OTOGL: variants seen among roughly 807,000 people sequenced by gnomAD.
The protein encoded by OTOGL is otogelin like.
Under a neutral mutation model 318.5 loss-of-function variants are expected in OTOGL, and 285 were observed. The observed-to-expected ratio is 0.89, with a 90% CI of 0.81 to 0.99. OTOGL has a LOEUF of 0.99. Ranked by LOEUF, OTOGL falls within the 50% of genes least tolerant of loss-of-function variation. OTOGL has a pLI of 0.00. For synonymous variants in OTOGL, 987 were observed against 936.5 expected (o/e 1.05, Z -0.99); for missense variants, 2,899 against 2,845.6 (o/e 1.02, Z -0.43).
At chr12:80,242,039 C>A (rs1044668482) in intron 11 of OTOGL, among the ~76,000 whole-genome samples, 5 of 152,126 alleles carry the variant, frequency 3.3e-5, no homozygotes, top group African/African-American at 9.7e-5. Context: ...TACATGGCCA[C>A]ACCTAGGTGC....
At chr12:80,158,345 A>G (rs937942536) in intron 1 of OTOGL, among the ~76,000 whole-genome samples, 1 of 152,110 alleles carries the variant, frequency 6.6e-6, no homozygotes, top group African/African-American at 2.4e-5. Context: ...ATGTTATGTC[A>G]TAAATGAAAT....
chr12:80,114,029 C>T (rs186162447), intron 1 of OTOGL, among the ~76,000 whole-genome samples: 204 of 152,126 alleles, frequency 1.3e-3, no homozygotes, highest in African/African-American at 4.7e-3. Flanking sequence ...GATGGGTCTC[C>T]TGAATACAGC....
In OTOGL at chr12:80,210,830, A is replaced by G. The variant is rs762611150; in HGVS notation, c.80-17A>G. Reference sequence around the variant, plus strand: ...TTGGATAATTTTTTTTCATTCTTATATATTTGTCTCTGGCAGAATATATTT... The same window carrying G: ...TTGGATAATTTTTTTTCATTCTTATGTATTTGTCTCTGGCAGAATATATTT... On this transcript the variant is annotated splice_polypyrimidine_tract_variant and intron_variant, in intron 2 of 58. Transcript: ENST00000547103. The G allele has an allele frequency of 9.1e-6, 13 of 1,430,910 alleles. No individual in the cohort carries two copies. Among genetic ancestry groups the G allele is most frequent in the South Asian group, 2.7e-5 (2 of 72,902 alleles). 88.6% of individuals were successfully genotyped at this position (1,430,910 alleles called of 1,614,324 possible).
At chr12:80,317,779 C>G (rs1465416884) in intron 32 of OTOGL, among the ~76,000 whole-genome samples, 6 of 152,210 alleles carry the variant, frequency 3.9e-5, no homozygotes, top group Admixed American at 6.5e-5. Context: ...TGGAGAAACA[C>G]TGCATTTGTA....
At chr12:80,334,690 G>A (rs368032950) in intron 38 of OTOGL, among the ~76,000 whole-genome samples, 27 of 152,248 alleles carry the variant, frequency 1.8e-4, no homozygotes, top group African/African-American at 6.3e-4. Context: ...GGAATGTGGA[G>A]TAATAAGCTA....
At chr12:80,255,340 TAGAA>T (rs774555195) in intron 16 of OTOGL, among the ~76,000 whole-genome samples, 155 bp downstream of exon 16, 1 of 152,128 alleles carries the variant, frequency 6.6e-6, no homozygotes, top group Non-Finnish European at 1.5e-5. Flanking sequence ...TTCTACATAT[TAGAA>T]AGAAGTGTTG....
In OTOGL at chr12:80,360,530, GGAGTGC is replaced by G. The variant is rs552911057; in HGVS notation, c.6267+1631_6267+1636del. On this transcript the variant is annotated intron_variant, in intron 52 of 58. Coordinates refer to ENST00000547103, the MANE Select transcript of OTOGL (RefSeq NM_001378609.3). ...TCTTGTCTTGCTCTGTCACCAGGCTGGAGTGCAGTGGTGTGATCTCTGCTCACCGCA... is the reference window on the plus strand; with the variant it reads ...TCTTGTCTTGCTCTGTCACCAGGCTGAGTGGTGTGATCTCTGCTCACCGCA... Among the ~76,000 whole-genome samples, 37 of 150,430 alleles carry G rather than the reference GGAGTGC, an allele frequency of 2.5e-4. No homozygotes were observed. In the South Asian group the frequency reaches 7.4e-3, roughly 30 times the overall value.
chr12:80,314,316 G>T lies in OTOGL; in HGVS notation c.3619G>T (p.Glu1207Ter). Residue 1207 changes from glutamate to a stop codon, truncating the protein, a stop_gained, in exon 32 of 59, where the codon GAA (glutamate) becomes TAA (stop). Coordinates refer to ENST00000547103, the MANE Select transcript of OTOGL (RefSeq NM_001378609.3). LOFTEE classifies it high-confidence loss of function. Reference sequence around the variant, plus strand: ...TTTTTTTCTTTTAGCACTTGATTGTGAATACTACAATGAAGGTATGTGACA... The same window carrying T: ...TTTTTTTCTTTTAGCACTTGATTGTTAATACTACAATGAAGGTATGTGACA... ...RSSTVCSLDC[E>*]YYNEGLGEGP... 1.9e-6 allele frequency: 2 copies of T among 1,049,674 alleles called. No individual in the cohort carries two copies. Among genetic ancestry groups the T allele is most frequent in the East Asian group, 3.2e-5 (1 of 31,458 alleles). 65.0% of individuals were successfully genotyped at this position (1,049,674 alleles called of 1,614,324 possible).
At chr12:80,176,963 G>A (rs948453335) in intron 1 of OTOGL, among the ~76,000 whole-genome samples, 4 of 151,924 alleles carry the variant, frequency 2.6e-5, no homozygotes, top group Admixed American at 6.6e-5. Context: ...ATGATGTTAA[G>A]CATCTGTTCA....
chr12:80,137,446 A>G (rs1443551851), intron 1 of OTOGL, among the ~76,000 whole-genome samples: 1 of 152,164 alleles, frequency 6.6e-6, no homozygotes, highest in Non-Finnish European at 1.5e-5. Flanking sequence ...GAACTTGCTG[A>G]GAAATGGAAT....
rs1255638977 is a variant in OTOGL, at chr12:80,108,928, ATGTGTGTG to A, written c.-20+9325_-20+9332del. Among the ~76,000 whole-genome samples the A allele has an allele frequency of 6.2e-3, 545 of 88,160 alleles. 8 individuals carry two copies. The highest frequency in any genetic ancestry group is 0.023 in the African/African-American group (468 of 19,940). The allele number at this position is 88,160 out of a possible 152,430, so 57.8% of individuals were successfully genotyped here. A position where few individuals can be genotyped will look rare whatever the true frequency, so the allele number is the denominator to read the frequency against. Reference sequence around the variant, plus strand: ...TGTGTATATATATGTGTATATATATATGTGTGTGTATATATATATATATATACACACAC... The same window carrying A: ...TGTGTATATATATGTGTATATATATATATATATATATATATATACACACAC... On this transcript the variant is annotated intron_variant, in intron 1 of 58. Transcript: ENST00000547103.
chr12:80,344,983 ATATTATATATTATATTTTATATAT>A (rs1313898445), intron 44 of OTOGL, among the ~76,000 whole-genome samples: 3 of 143,248 alleles, frequency 2.1e-5, no homozygotes, highest in Admixed American at 1.5e-4. Context: ...CATTGGCTAT[ATATTATATATTATATTTTATATAT>A]TATTATATAT....
chr12:80,115,451 CTCCTCTT>C (rs887416729), intron 1 of OTOGL, among the ~76,000 whole-genome samples: 2 of 152,108 alleles, frequency 1.3e-5, no homozygotes, highest in Non-Finnish European at 2.9e-5. Flanking sequence ...AGATTGCTCT[CTCCTCTT>C]TCCTCTGCTT....
chr12:80,251,608 A>G, intron 11 of OTOGL, 85 bp from the exon 12 acceptor site: 2 of 991,896 alleles, frequency 2.0e-6, no homozygotes, highest in Non-Finnish European at 3.0e-6. Flanking sequence ...TCATGCACTC[A>G]GCATTTCTAG....
At chr12:80,178,186 A>G (rs1671499996) in intron 1 of OTOGL, among the ~76,000 whole-genome samples, 1 of 146,828 alleles carries the variant, frequency 6.8e-6, no homozygotes, top group South Asian at 2.2e-4. Flanking sequence ...TCAGCCACCC[A>G]AGTAGCTGGG....
Position 80,355,744 on chromosome 12 carries a change from G to C in OTOGL, c.5602G>C (p.Asp1868His). ...CIPEKECACT[D>H]SEDQPRTAGE... ...CTGTTGATCTTTTTAAGCATGCACT[G>C]ATAGTGAAGACCAACCCCGCACTGC... Residue 1868 changes from aspartate (D) to histidine (H), a missense_variant, in exon 47 of 59, where the codon GAT (aspartate) becomes CAT (histidine). Transcript: ENST00000547103. 1 of 1,612,820 alleles carries C rather than the reference G, an allele frequency of 6.2e-7. No individual in the cohort carries two copies.
chr12:80,377,121 A>C lies in OTOGL; in HGVS notation c.6782-2A>C, dbSNP rs1158266383. On this transcript the variant is annotated splice_acceptor_variant, in intron 57 of 58. Transcript: ENST00000547103. LOFTEE classifies it high-confidence loss of function. ...GAATAAATACATTTTATATTTTATCAGGCAAACGAGAAGAAAGAATATGCC... is the reference window on the plus strand; with the variant it reads ...GAATAAATACATTTTATATTTTATCCGGCAAACGAGAAGAAAGAATATGCC... 6 of 1,598,612 alleles carry C rather than the reference A, an allele frequency of 3.8e-6. No homozygotes were observed. The highest frequency in any genetic ancestry group is 4.3e-6 in the Non-Finnish European group (5 of 1,170,490).
intron 1 of OTOGL, among the ~76,000 whole-genome samples, chr12:80,203,498 G>A: frequency 6.6e-6 from 1 of 152,150 alleles, no homozygotes; most frequent in East Asian, 1.9e-4. Flanking sequence ...TGAGGGGGTG[G>A]AGGGCAGCAC....
chr12:80,299,978 G>T (rs1885652918), intron 27 of OTOGL, among the ~76,000 whole-genome samples: 1 of 152,124 alleles, frequency 6.6e-6, no homozygotes, highest in Non-Finnish European at 1.5e-5. Context: ...AAGTAGAAAA[G>T]ATGTGCTTTT....
Sources: allele counts gnomAD v4.1 joint callset (sites outside exome capture counted in the v4.1 genomes callset), GRCh38; gene constraint gnomAD v4.1.1; transcripts MANE v1.5; gene names NCBI Gene and HGNC (gene_info 2026-07-23, HGNC 2026-07-21).